Variants in ZBTB43 observed in about 807,000 individuals in gnomAD.
ZBTB43 encodes zinc finger and BTB domain containing 43, also known as zinc finger and BTB domain-containing protein 43.
In ZBTB43, 6 loss-of-function variants were observed where a neutral mutation model predicts 31.1. That is an observed-to-expected ratio of 0.19 (90% CI 0.11 to 0.38). The LOEUF is 0.38. Among genes scored for constraint, ZBTB43 ranks in the 10% least tolerant of loss-of-function variants. The probability of loss-of-function intolerance (pLI) is 1.00; values close to 1 mark genes in which losing one functional copy is unlikely to be tolerated. For missense variants in ZBTB43, 379 were observed against 602.1 expected (o/e 0.63, Z 3.88); for synonymous variants, 212 against 221.7 (o/e 0.96, Z 0.39).
At chr9:126,831,530 T>C (rs377069566) in intron 2 of ZBTB43, 5 of 151,602 alleles carry the variant, frequency 3.3e-5, no homozygotes, top group African/African-American at 1.2e-4. Flanking sequence ...CCAGGAGCGG[T>C]GGTTCATGCC....
intron 2 of ZBTB43, 73 bp from the exon 3 acceptor site, chr9:126,832,414 T>A: frequency 7.1e-7 from 1 of 1,401,610 alleles, no homozygotes; most frequent in Non-Finnish European, 9.6e-7. Context: ...GAACTTGTCT[T>A]AACAATGGAG....
At chr9:126,805,323 T>G (rs1021764408) in intron 1 of ZBTB43, among the ~76,000 whole-genome samples, 191 bp downstream of exon 1, 27 of 152,212 alleles carry the variant, frequency 1.8e-4, no homozygotes, top group Admixed American at 1.8e-3. Context: ...CGCAGTCTTC[T>G]GCCCACACGG....
rs1014416064 is a variant in ZBTB43 at position 126,832,468 on chromosome 9, A to C, written c.-23-19A>C. On this transcript the variant is annotated intron_variant, in intron 2 of 2. Transcript: ENST00000373464. ...TATCTTTGGGCTGGAATTTGTACTAATTTTTCTTTCTCTTGTAGCACCGAA... is the reference window on the plus strand; with the variant it reads ...TATCTTTGGGCTGGAATTTGTACTACTTTTTCTTTCTCTTGTAGCACCGAA... The C allele has an allele frequency of 5.1e-6, 8 of 1,559,034 alleles. No individual in the cohort carries two copies. In the Admixed American group the frequency reaches 1.4e-4, roughly 27 times the overall value.
chr9:126,831,767 ATAG>A (rs2032767889), intron 2 of ZBTB43: 2 of 152,070 alleles, frequency 1.3e-5, no homozygotes, highest in Admixed American at 1.3e-4. Flanking sequence ...CCTGGCCAAC[ATAG>A]TGAAACCCCA....
chr9:126,805,792 T>C (rs1348468220), intron 1 of ZBTB43, among the ~76,000 whole-genome samples: 1 of 152,202 alleles, frequency 6.6e-6, no homozygotes, highest in Non-Finnish European at 1.5e-5. Context: ...CAGTCTGGCT[T>C]TTTGGCCATC....
At chr9:126,831,229 G>A (rs988343475) in intron 2 of ZBTB43, among the ~76,000 whole-genome samples, 1 of 152,070 alleles carries the variant, frequency 6.6e-6, no homozygotes, top group African/African-American at 2.4e-5. Context: ...CCTTGCAATT[G>A]CCAAATGCAT....
chr9:126,826,070 G>A (rs1327243744), intron 2 of ZBTB43, among the ~76,000 whole-genome samples: 10 of 144,500 alleles, frequency 6.9e-5, no homozygotes, highest in African/African-American at 2.5e-4. Flanking sequence ...CTGGAGTGCA[G>A]TGGACTGATC....
intron 2 of ZBTB43, among the ~76,000 whole-genome samples, chr9:126,810,495 C>CTT (rs1163411798): frequency 0.028 from 2,024 of 73,210 alleles, 61 homozygotes; most frequent in Middle Eastern, 0.037. Flanking sequence ...GCCCAGCCGT[C>CTT]TTTTTTTTTT....
intron 2 of ZBTB43, among the ~76,000 whole-genome samples, chr9:126,818,119 CTTTTTTTT>C (rs573239954): frequency 7.5e-6 from 1 of 133,370 alleles, no homozygotes; most frequent in African/African-American, 2.7e-5. Context: ...TTTTCTTTTT[CTTTTTTTT>C]TTTTTTTCCT....
At chr9:126,830,151 T>G (rs1361173108) in intron 2 of ZBTB43, among the ~76,000 whole-genome samples, 1 of 152,226 alleles carries the variant, frequency 6.6e-6, no homozygotes, top group African/African-American at 2.4e-5. Flanking sequence ...TTGGGAAAGT[T>G]ACTTAAAATA....
chr9:126,804,268 G>C (rs1433156840), upstream of ZBTB43, among the ~76,000 whole-genome samples: 1 of 152,156 alleles, frequency 6.6e-6, no homozygotes, highest in Non-Finnish European at 1.5e-5. Flanking sequence ...CCCACCATCT[G>C]TGTGACCCCA....
chr9:126,835,788 GCTTCT>G lies in ZBTB43; in HGVS notation c.*1879_*1883del, dbSNP rs1321951101. The G allele has an allele frequency of 6.0e-6, 1 of 165,924 alleles. No individual in the cohort carries two copies. The highest frequency in any genetic ancestry group is 1.5e-5 in the Non-Finnish European group (1 of 68,014). 10.3% of individuals were successfully genotyped at this position (165,924 alleles called of 1,614,324 possible). On this transcript the variant is annotated 3_prime_UTR_variant, in exon 3 of 3. Coordinates refer to ENST00000373464, the MANE Select transcript of ZBTB43 (RefSeq NM_014007.4). Reference sequence around the variant, plus strand: ...CTCTTGGTTGTTTGCCACATTAATAGCTTCTCTTAGTATTGAAACGTTACTGGTTA... The same window carrying G: ...CTCTTGGTTGTTTGCCACATTAATAGCTTAGTATTGAAACGTTACTGGTTA...
At chr9:126,815,137 CTGT>C (rs796752715) in intron 2 of ZBTB43, among the ~76,000 whole-genome samples, 6 of 150,388 alleles carry the variant, frequency 4.0e-5, no homozygotes, top group African/African-American at 1.5e-4. Context: ...AAAGTTTTGG[CTGT>C]TGTTTTCACA....
chr9:126,818,374 TC>T (rs1001853236), intron 2 of ZBTB43, among the ~76,000 whole-genome samples: 1 of 151,866 alleles, frequency 6.6e-6, no homozygotes, highest in African/African-American at 2.4e-5. Flanking sequence ...CCTCAAGTGA[TC>T]CTCCCAAGTA....
rs2032543580 is a variant in ZBTB43, at chr9:126,822,752, A to G, written c.-23-9735A>G. ...GAGACCCTATCTTGGGAAACAAAAA[A>G]GAAAGAAAGAAATTGCTACAGCCAC... On this transcript the variant is annotated intron_variant, in intron 2 of 2. Transcript: ENST00000373464. Among the ~76,000 whole-genome samples, 4 of 152,150 alleles carry G rather than the reference A, an allele frequency of 2.6e-5. No individual in the cohort carries two copies. In the South Asian group the frequency reaches 8.3e-4, roughly 32 times the overall value.
intron 2 of ZBTB43, among the ~76,000 whole-genome samples, chr9:126,824,983 C>G (rs2032599780): frequency 6.6e-6 from 1 of 152,304 alleles, no homozygotes; most frequent in East Asian, 1.9e-4. Context: ...CTCACTCTGT[C>G]ACCTAGGCTG....
intron 2 of ZBTB43, among the ~76,000 whole-genome samples, chr9:126,820,478 C>T (rs1006813168): frequency 6.6e-6 from 1 of 152,134 alleles, no homozygotes; most frequent in African/African-American, 2.4e-5. Flanking sequence ...ATTTTAAGCC[C>T]ACTGTTGAGA....
intron 2 of ZBTB43, among the ~76,000 whole-genome samples, chr9:126,812,093 T>C (rs75350261): frequency 0.015 from 2,241 of 152,310 alleles, 62 homozygotes; most frequent in African/African-American, 0.051. Flanking sequence ...TTCTTCTACC[T>C]GTAGCCACGA....
At chr9:126,826,455 T>C (rs2032639129) in intron 2 of ZBTB43, among the ~76,000 whole-genome samples, 3 of 16,338 alleles carry the variant, frequency 1.8e-4, no homozygotes, top group East Asian at 2.3e-3. Context: ...CCCCCCCGCC[T>C]TTTTTTTTTT....
Sources: allele counts gnomAD v4.1 joint callset (sites outside exome capture counted in the v4.1 genomes callset), GRCh38; gene constraint gnomAD v4.1.1; transcripts MANE v1.5; gene names NCBI Gene and HGNC (gene_info 2026-07-23, HGNC 2026-07-21).